GABRG3: variants seen among roughly 807,000 people sequenced by gnomAD.
GABRG3 encodes gamma-aminobutyric acid type A receptor subunit gamma3.
GABRG3 carries 25 observed loss-of-function variants against 48.8 expected under a neutral mutation model. The ratio of observed to expected loss-of-function variants is 0.51; its 90% CI spans 0.37 to 0.72. The LOEUF is 0.72. Ranked by LOEUF, GABRG3 falls within the 30% of genes least tolerant of loss-of-function variation. The pLI is 0.00. For synonymous variants in GABRG3, 227 were observed against 217.6 expected, an observed-to-expected ratio of 1.04 and a Z score of -0.38; for missense variants, 394 against 577.9, an observed-to-expected ratio of 0.68 and a Z score of 3.26.
chr15:27,490,215 T>C (rs527675076), intron 6 of GABRG3, among the ~76,000 whole-genome samples: 1 of 152,342 alleles, frequency 6.6e-6, no homozygotes, highest in Non-Finnish European at 1.5e-5. Context: ...AGTTGGTTGA[T>C]ATTTATTTTT....
chr15:27,416,252 G>T (rs1482535130), intron 5 of GABRG3, among the ~76,000 whole-genome samples: 1 of 152,144 alleles, frequency 6.6e-6, no homozygotes, highest in Admixed American at 6.5e-5. Flanking sequence ...TAAGGTGTGG[G>T]TGGGGAAACT....
intron 6 of GABRG3, among the ~76,000 whole-genome samples, chr15:27,487,838 C>A (rs969074958): frequency 3.9e-5 from 6 of 152,130 alleles, no homozygotes; most frequent in African/African-American, 1.2e-4. Flanking sequence ...TCTGGAATAT[C>A]GCCATGCTGA....
intron 3 of GABRG3, among the ~76,000 whole-genome samples, chr15:27,306,379 C>A (rs1429831305): frequency 4.4e-5 from 6 of 135,734 alleles, no homozygotes; most frequent in African/African-American, 1.1e-4. Flanking sequence ...ATAATATAAA[C>A]ATGTCTACAT....
At position 27,470,457 on chromosome 15, in the gene GABRG3, T is replaced by C. The variant is rs573862743; in HGVS notation, c.575-10193T>C. Reference sequence around the variant, plus strand: ...CGTGTTGGCTATGCTGGTCTCGAACTCCTGAGCTCAGGCAATCCACTCACC... The same window carrying C: ...CGTGTTGGCTATGCTGGTCTCGAACCCCTGAGCTCAGGCAATCCACTCACC... On this transcript the variant is annotated intron_variant, in intron 5 of 9. Transcript: ENST00000615808. Among the ~76,000 whole-genome samples, 11 of 152,042 alleles carry C rather than the reference T, an allele frequency of 7.2e-5. No homozygotes were observed. In the South Asian group the frequency reaches 2.3e-3, roughly 32 times the overall value.
At chr15:27,069,465 A>G (rs1469417249) in intron 3 of GABRG3, among the ~76,000 whole-genome samples, 1 of 152,240 alleles carries the variant, frequency 6.6e-6, no homozygotes, top group Non-Finnish European at 1.5e-5. Flanking sequence ...TCTACCGTGT[A>G]TCAGGTAACT....
intron 3 of GABRG3, among the ~76,000 whole-genome samples, chr15:27,205,104 T>A (rs112965513): frequency 1.3e-5 from 2 of 152,250 alleles, no homozygotes; most frequent in African/African-American, 4.8e-5. Flanking sequence ...TGAATAGCGG[T>A]GGCGAGAGAA....
At position 27,430,989 on chromosome 15, in the gene GABRG3, C is replaced by CAGTAAATA. The variant is rs1019376502; in HGVS notation, c.575-49660_575-49659insGTAAATAA. On this transcript the variant is annotated intron_variant, in intron 5 of 9. Transcript: ENST00000615808. ...TGGGTGACAGAGCAAGTCCCTGTCT[C>CAGTAAATA]AATAAATAAATAAATAAATAAATAA... Among the ~76,000 whole-genome samples the CAGTAAATA allele has an allele frequency of 2.8e-5, 4 of 141,216 alleles. No individual in the cohort carries two copies. The East Asian group carries it at 8.4e-4, about 30-fold the overall frequency. The allele number at this position is 141,216 out of a possible 152,430, so 92.6% of individuals were successfully genotyped here. A position where few individuals can be genotyped will look rare whatever the true frequency, so the allele number is the denominator to read the frequency against.
chr15:27,038,272 CTG>C (rs2140694963), intron 3 of GABRG3, among the ~76,000 whole-genome samples: 1 of 152,300 alleles, frequency 6.6e-6, no homozygotes, highest in South Asian at 2.1e-4. Flanking sequence ...GGGCTGCTCT[CTG>C]CTTCTGTGGT....
intron 5 of GABRG3, among the ~76,000 whole-genome samples, chr15:27,452,006 T>C (rs963786953): frequency 7.9e-5 from 12 of 152,234 alleles, no homozygotes; most frequent in Admixed American, 3.3e-4. Flanking sequence ...ACTATTCTTA[T>C]AACTTTTCTT....
chr15:27,047,416 T>A (rs1190277532), intron 3 of GABRG3, among the ~76,000 whole-genome samples: 1 of 152,222 alleles, frequency 6.6e-6, no homozygotes, highest in East Asian at 1.9e-4. Context: ...TGTGTGCCCA[T>A]GGCCTGGCTT....
intron 7 of GABRG3, among the ~76,000 whole-genome samples, chr15:27,527,038 G>A (rs750326399): frequency 2.0e-5 from 3 of 152,098 alleles, no homozygotes; most frequent in Non-Finnish European, 4.4e-5. Context: ...GAATAGTGAG[G>A]GTTTTCAAAC....
intron 5 of GABRG3, among the ~76,000 whole-genome samples, chr15:27,355,935 T>G (rs1234397071): frequency 6.6e-6 from 1 of 152,030 alleles, no homozygotes; most frequent in Non-Finnish European, 1.5e-5. Flanking sequence ...AAAAAGTATA[T>G]TAGTGAATGC....
chr15:27,202,679 C>A (rs1032790416), intron 3 of GABRG3, among the ~76,000 whole-genome samples: 3 of 152,082 alleles, frequency 2.0e-5, no homozygotes, highest in African/African-American at 7.2e-5. Context: ...TTATTTCTTA[C>A]GTTAATTGGT....
At chr15:27,482,101 G>T (rs1357458801) in intron 6 of GABRG3, among the ~76,000 whole-genome samples, 1 of 152,204 alleles carries the variant, frequency 6.6e-6, no homozygotes, top group Non-Finnish European at 1.5e-5. Context: ...GCTCAGAAAA[G>T]TGGCAAATAG....
intron 7 of GABRG3, among the ~76,000 whole-genome samples, chr15:27,522,272 GA>G (rs1307794116): frequency 6.6e-6 from 1 of 151,756 alleles, no homozygotes; most frequent in African/African-American, 2.4e-5. Context: ...TCAGAATGAA[GA>G]TTTTTTTAGA....
intron 3 of GABRG3, among the ~76,000 whole-genome samples, chr15:27,204,081 G>A (rs928002413): frequency 2.6e-5 from 4 of 152,046 alleles, no homozygotes; most frequent in African/African-American, 9.6e-5. Context: ...CAATATTTTT[G>A]TCGGAATTGC....
At chr15:27,394,260 A>G (rs1409078618) in intron 5 of GABRG3, among the ~76,000 whole-genome samples, 1 of 152,110 alleles carries the variant, frequency 6.6e-6, no homozygotes, top group Non-Finnish European at 1.5e-5. Flanking sequence ...TTATGCTCTT[A>G]GTGTTTTCCC....
At chr15:27,028,433 T>A (rs1009149322) in intron 3 of GABRG3, among the ~76,000 whole-genome samples, 10 of 152,092 alleles carry the variant, frequency 6.6e-5, no homozygotes, top group African/African-American at 1.9e-4. Context: ...CTTCTCTTCA[T>A]CCAAAACAGA....
intron 5 of GABRG3, among the ~76,000 whole-genome samples, chr15:27,463,649 G>A (rs538472549): frequency 6.6e-6 from 1 of 152,222 alleles, no homozygotes; most frequent in Admixed American, 6.5e-5. Context: ...CTTCTGTGGG[G>A]GTGTGCTGTG....
Sources: gnomAD v4.1 joint callset for allele counts (sites outside exome capture counted in the v4.1 genomes callset) on GRCh38, gnomAD v4.1.1 for gene constraint, MANE v1.5 for transcripts, NCBI Gene and HGNC (gene_info 2026-07-23, HGNC 2026-07-21) for gene names.